Variants in SNTB2 observed in about 807,000 individuals in gnomAD.
SNTB2 encodes beta-2-syntrophin.
A neutral mutation model predicts 46.2 loss-of-function variants in SNTB2; 34 were observed. The observed-to-expected ratio is 0.74, with a 90% confidence interval of 0.56 to 0.98. SNTB2 has a LOEUF of 0.98. Among genes scored for constraint, SNTB2 ranks in the 50% least tolerant of loss-of-function variants. The pLI is 0.00. For synonymous variants in SNTB2, 290 were observed against 312.6 expected, an observed-to-expected ratio of 0.93 and a Z score of 0.76; for missense variants, 603 against 731.4, an observed-to-expected ratio of 0.82 and a Z score of 2.02.
At chr16:69,295,766 A>AG (rs1965217650) in intron 5 of SNTB2, among the ~76,000 whole-genome samples, 1 of 151,466 alleles carries the variant, frequency 6.6e-6, no homozygotes, top group Non-Finnish European at 1.5e-5. Flanking sequence ...ATACACACAC[A>AG]CATAGCTGTT....
chr16:69,233,102 G>A (rs1206577055), intron 1 of SNTB2, among the ~76,000 whole-genome samples: 1 of 152,140 alleles, frequency 6.6e-6, no homozygotes, highest in Non-Finnish European at 1.5e-5. Flanking sequence ...AGAAATCTGG[G>A]AGACACTACT....
At chr16:69,244,543 A>T (rs1964650771) in intron 1 of SNTB2, among the ~76,000 whole-genome samples, 1 of 152,222 alleles carries the variant, frequency 6.6e-6, no homozygotes, top group African/African-American at 2.4e-5. Flanking sequence ...AGTTTTTGAA[A>T]CAAGAACACC....
intron 5 of SNTB2, among the ~76,000 whole-genome samples, chr16:69,293,273 A>G (rs1965191891): frequency 6.6e-6 from 1 of 152,218 alleles, no homozygotes; most frequent in Non-Finnish European, 1.5e-5. Flanking sequence ...TGACTGACCC[A>G]GAAGCTGTCT....
intron 1 of SNTB2, among the ~76,000 whole-genome samples, chr16:69,202,574 T>C (rs1964173540): frequency 6.6e-6 from 1 of 151,872 alleles, no homozygotes; most frequent in Non-Finnish European, 1.5e-5. Context: ...AGTAATTTTT[T>C]TTTTATTTTT....
chr16:69,296,125 C>G (rs1316846204), intron 5 of SNTB2, among the ~76,000 whole-genome samples: 3 of 151,416 alleles, frequency 2.0e-5, no homozygotes, highest in Non-Finnish European at 4.4e-5. Context: ...ACTAAAAATA[C>G]AAAAAATTAG....
At chr16:69,285,803 AT>A (rs1010810571) in intron 5 of SNTB2, among the ~76,000 whole-genome samples, 7 of 136,318 alleles carry the variant, frequency 5.1e-5, no homozygotes, top group Non-Finnish European at 1.6e-5. Flanking sequence ...TTACTTATTT[AT>A]TTTTTTGACA....
intron 4 of SNTB2, among the ~76,000 whole-genome samples, chr16:69,281,763 A>C (rs530944114): frequency 6.8e-6 from 1 of 147,400 alleles, no homozygotes; most frequent in Admixed American, 6.8e-5. Context: ...GAATCGCTTG[A>C]ACCCAGGAAG....
Position 69,267,962 on chromosome 16 carries a change from C to T in SNTB2, c.1006-2181C>T, listed in dbSNP as rs547358269. Among the ~76,000 whole-genome samples, 7 of 152,328 alleles carry T rather than the reference C, an allele frequency of 4.6e-5. No individual in the cohort carries two copies. In the South Asian group the frequency reaches 1.2e-3, roughly 27 times the overall value. The stretch of plus-strand genomic sequence containing the variant: ...AGTGTTAAAATGCAGTGTTGTTGAA[C>T]AGTCCTTGCTCAAATGTCTCCTGAG... On this transcript the variant is annotated intron_variant, in intron 3 of 6. Transcript: ENST00000336278.
intron 3 of SNTB2, among the ~76,000 whole-genome samples, chr16:69,265,830 G>GAA (rs762058012): frequency 2.4e-4 from 16 of 67,520 alleles, no homozygotes; most frequent in African/African-American, 5.9e-4. Context: ...CCGTGCCAAA[G>GAA]AAAAAAAAAA....
At chr16:69,269,326 G>A (rs903041964) in intron 3 of SNTB2, among the ~76,000 whole-genome samples, 4 of 151,458 alleles carry the variant, frequency 2.6e-5, no homozygotes, top group Admixed American at 6.6e-5. Context: ...AGACCATCCC[G>A]GCCAACATGG....
chr16:69,198,654 C>A (rs1399576717), intron 1 of SNTB2, among the ~76,000 whole-genome samples: 1 of 152,098 alleles, frequency 6.6e-6, no homozygotes, highest in Non-Finnish European at 1.5e-5. Context: ...GATGTAGTTA[C>A]AAAAATTACC....
chr16:69,254,502 G>A (rs900012405), intron 2 of SNTB2, among the ~76,000 whole-genome samples: 1 of 152,000 alleles, frequency 6.6e-6, no homozygotes, highest in Non-Finnish European at 1.5e-5. Flanking sequence ...TTTAAGTTTG[G>A]TGGTGACTTC....
chr16:69,261,906 G>A (rs1964838361), intron 3 of SNTB2, among the ~76,000 whole-genome samples: 1 of 152,038 alleles, frequency 6.6e-6, no homozygotes, highest in Admixed American at 6.6e-5. Flanking sequence ...GTTTCTTTAT[G>A]CAAATAAAAA....
intron 5 of SNTB2, among the ~76,000 whole-genome samples, chr16:69,297,034 G>A (rs1210454831): frequency 1.3e-5 from 2 of 151,438 alleles, no homozygotes; most frequent in Non-Finnish European, 2.9e-5. Context: ...GCCAGGTGCC[G>A]TGCCTCACAC....
intron 1 of SNTB2, among the ~76,000 whole-genome samples, chr16:69,225,642 A>T (rs1235311167): frequency 6.6e-6 from 1 of 152,196 alleles, no homozygotes; most frequent in Non-Finnish European, 1.5e-5. Flanking sequence ...GGCCTATTTT[A>T]GGGGACACAT....
chr16:69,263,483 A>G (rs1164300158), intron 3 of SNTB2, among the ~76,000 whole-genome samples: 1 of 151,194 alleles, frequency 6.6e-6, no homozygotes, highest in Non-Finnish European at 1.5e-5. Context: ...CAATGATACA[A>G]TCTTGGCTCA....
intron 5 of SNTB2, among the ~76,000 whole-genome samples, chr16:69,285,321 G>A (rs546624288): frequency 2.7e-5 from 4 of 148,796 alleles, no homozygotes; most frequent in South Asian, 2.1e-4. Flanking sequence ...TTATAATACC[G>A]TATGTACAAC....
At chr16:69,297,902 AG>A (rs1965243164) in intron 5 of SNTB2, among the ~76,000 whole-genome samples, 1 of 152,150 alleles carries the variant, frequency 6.6e-6, no homozygotes, top group Non-Finnish European at 1.5e-5. Context: ...TGACAGAAGG[AG>A]ATTCCATCTC....
At chr16:69,203,199 G>A (rs1017259683) in intron 1 of SNTB2, among the ~76,000 whole-genome samples, 15 of 151,924 alleles carry the variant, frequency 9.9e-5, no homozygotes, top group Admixed American at 2.6e-4. Context: ...TGTACTTTTA[G>A]TAGAAATGGG....
Sources: gnomAD v4.1 joint callset for allele counts (sites outside exome capture counted in the v4.1 genomes callset) on GRCh38, gnomAD v4.1.1 for gene constraint, MANE v1.5 for transcripts, NCBI Gene and HGNC (gene_info 2026-07-23, HGNC 2026-07-21) for gene names.